Variants in UNK observed in about 807,000 individuals in gnomAD.
UNK encodes unk zinc finger.
A neutral mutation model predicts 97.6 loss-of-function variants in UNK; 32 were observed. The ratio of observed to expected loss-of-function variants is 0.33; its 90% CI spans 0.25 to 0.44. UNK has a LOEUF of 0.44. Ranked by LOEUF, UNK falls within the 20% of genes least tolerant of loss-of-function variation. The pLI, the probability that UNK is intolerant of heterozygous loss-of-function variation, is 1.00. For missense variants in UNK, 771 were observed against 1,098.4 expected (o/e 0.70, Z 4.21); for synonymous variants, 441 against 461.2 (o/e 0.96, Z 0.56).
At chr17:75,796,061 C>A (rs893295897) in intron 1 of UNK, among the ~76,000 whole-genome samples, 1 of 152,120 alleles carries the variant, frequency 6.6e-6, no homozygotes, top group Non-Finnish European at 1.5e-5. Context: ...GGAGTTTCAT[C>A]GCATCTAGGA....
chr17:75,809,732 C>T lies in UNK; in HGVS notation c.105-28C>T, dbSNP rs1318742565. The T allele has an allele frequency of 2.5e-6, 4 of 1,574,556 alleles. No individual in the cohort carries two copies. In the South Asian group the frequency reaches 3.5e-5, roughly 14 times the overall value. On this transcript the variant is annotated intron_variant, in intron 1 of 15. Transcript: ENST00000589666. The stretch of plus-strand genomic sequence containing the variant: ...AAGAGACTTCATTCTCTGCTCCCGG[C>T]CTGCCCCACGCGGGGCTCTCTCTGC...
chr17:75,816,690 C>T lies in UNK; in HGVS notation c.962-80C>T, dbSNP rs1247757564. On this transcript the variant is annotated intron_variant, in intron 7 of 15. Coordinates refer to ENST00000589666, the MANE Select transcript of UNK (RefSeq NM_001080419.3). This position sits in a 1 kb window ranked among gnomAD's most constrained non-coding sequence, Gnocchi z 4.0. ...TTATGTGCAGGGGGATTTGTGGTCT[C>T]CTTTGGAAGGGACCCAGGAGCATTT... 5 of 1,495,098 alleles carry T rather than the reference C, an allele frequency of 3.3e-6. No individual in the cohort carries two copies. Among genetic ancestry groups the T allele is most frequent in the Non-Finnish European group, 3.6e-6 (4 of 1,123,720 alleles). The allele number at this position is 1,495,098 out of a possible 1,614,324, so 92.6% of individuals were successfully genotyped here. A position where few individuals can be genotyped will look rare whatever the true frequency, so the allele number is the denominator to read the frequency against.
At chr17:75,813,673 G>T (rs1046430825) in intron 5 of UNK, 88 bp from the exon 6 acceptor site, 2 of 1,129,478 alleles carry the variant, frequency 1.8e-6, no homozygotes, top group Non-Finnish European at 2.5e-6. Flanking sequence ...CTGTGCTCAT[G>T]CCTATGAGGC....
In UNK at chr17:75,824,167, C is replaced by T; in HGVS notation, c.2278-95C>T. 7.2e-7 allele frequency: 1 copy of T among 1,389,934 alleles called. No individual in the cohort carries two copies. The highest frequency in any genetic ancestry group is 9.4e-7 in the Non-Finnish European group (1 of 1,060,526). 86.1% of individuals were successfully genotyped at this position (1,389,934 alleles called of 1,614,324 possible). On this transcript the variant is annotated intron_variant, in intron 15 of 15. Transcript: ENST00000589666. This position sits in a 1 kb window ranked among gnomAD's most constrained non-coding sequence, Gnocchi z 4.9. The stretch of plus-strand genomic sequence containing the variant: ...TGTTGAGCTCGGTACCTCAGTTTTC[C>T]CATCCCAAGGGGCTGCAGTGAGGAT...
In UNK at chr17:75,823,465, C is replaced by A; in HGVS notation, c.2220C>A (p.Leu740=). 1 of 1,581,306 alleles carries A rather than the reference C, an allele frequency of 6.3e-7. No individual in the cohort carries two copies. The highest frequency in any genetic ancestry group is 8.6e-7 in the Non-Finnish European group (1 of 1,160,498). ...TCTCCGACCTGGAGGCGCTCTCACT[C>A]TCCACCCTCTACTCCCTCCAGAAAC... ...PAFSDLEALS[L]STLYSLQKQL... The change falls in exon 15 of 16, where the codon CTC becomes CTA. Residue 740 remains leucine, a synonymous_variant. Coordinates refer to ENST00000589666, the MANE Select transcript of UNK (RefSeq NM_001080419.3).
intron 1 of UNK, among the ~76,000 whole-genome samples, chr17:75,794,666 A>G (rs529032515): frequency 1.3e-5 from 2 of 152,054 alleles, no homozygotes; most frequent in East Asian, 3.9e-4. Flanking sequence ...CTTAGTTAAT[A>G]GTCAGCATGG....
chr17:75,820,249 T>C, intron 13 of UNK, 141 bp downstream of exon 13: 2 of 865,588 alleles, frequency 2.3e-6, no homozygotes, highest in Non-Finnish European at 3.5e-6. Context: ...CAGAGTCAGA[T>C]TCCTGTCTGT....
chr17:75,806,165 GA>G (rs917964949), intron 1 of UNK, among the ~76,000 whole-genome samples: 6 of 151,614 alleles, frequency 4.0e-5, no homozygotes, highest in African/African-American at 1.5e-4. Flanking sequence ...TTTACAAGAA[GA>G]GTTTGCTGGC....
chr17:75,795,704 G>A (rs2061799761), intron 1 of UNK, among the ~76,000 whole-genome samples: 1 of 152,114 alleles, frequency 6.6e-6, no homozygotes, highest in African/African-American at 2.4e-5. Context: ...GGGGTTTGTA[G>A]TACTCTCGAA....
chr17:75,784,951 T>A lies in UNK; in HGVS notation c.71T>A (p.Leu24Gln). The A allele has an allele frequency of 6.5e-7, 1 of 1,535,676 alleles. No individual in the cohort carries two copies. The highest frequency in any genetic ancestry group is 1.4e-5 in the African/African-American group (1 of 71,308). The change falls in exon 1 of 16, where the codon CTG becomes CAG. Residue 24 changes from leucine (L) to glutamine (Q), a missense_variant. Leu to Gln is a moderately radical substitution (Grantham distance 113). This residue lies in a region of UNK where 246 missense variants were observed against 440.7 expected (regional missense o/e 0.56). Transcript: ENST00000589666. ...SAPPAATAQV[L>Q]QAQPEKPQHY... ...CCCCCGGCCGCTACCGCTCAGGTGCTGCAGGCACAGCCCGAGAAACCGCAG... is the reference window on the plus strand; with the variant it reads ...CCCCCGGCCGCTACCGCTCAGGTGCAGCAGGCACAGCCCGAGAAACCGCAG...
At chr17:75,798,163 C>T (rs1227309324) in intron 1 of UNK, among the ~76,000 whole-genome samples, 2 of 151,776 alleles carry the variant, frequency 1.3e-5, no homozygotes, top group African/African-American at 2.4e-5. Context: ...CTCCGCCTCC[C>T]GGGTTCAAGC....
At position 75,818,138 on chromosome 17, in the gene UNK, T is replaced by C. The variant is rs951983186; in HGVS notation, c.1341T>C (p.Ser447=). ...AACCCCACTCATTAGAGCCCAGGAG[T>C]CAAGAGCAGCCTCTGCTTCAGCCCA... ...KLKPHSLEPR[S]QEQPLLQPKQ... The change falls in exon 10 of 16, where the codon AGT becomes AGC. Residue 447 remains serine (S), a synonymous_variant. Coordinates refer to ENST00000589666, the MANE Select transcript of UNK (RefSeq NM_001080419.3). The surrounding 1 kb of genome is among the most constrained non-coding windows in gnomAD (Gnocchi z 5.1). 1.2e-6 allele frequency: 2 copies of C among 1,612,872 alleles called. No homozygotes were observed. The highest frequency in any genetic ancestry group is 1.7e-6 in the Non-Finnish European group (2 of 1,179,682).
intron 4 of UNK, 31 bp downstream of exon 4, chr17:75,812,616 C>G: frequency 6.2e-7 from 1 of 1,602,740 alleles, no homozygotes; most frequent in Non-Finnish European, 8.5e-7. Flanking sequence ...GCCGCGCCCT[C>G]CCTATAATCC....
rs1599388106 is a variant in UNK at position 75,818,575 on chromosome 17, C to T, written c.1372-67C>T. The T allele has an allele frequency of 2.0e-6, 3 of 1,510,396 alleles. No individual in the cohort carries two copies. The highest frequency in any genetic ancestry group is 2.6e-5 in the South Asian group (2 of 77,234). 93.6% of individuals were successfully genotyped at this position (1,510,396 alleles called of 1,614,324 possible). Reference sequence around the variant, plus strand: ...ATTTCCCTTGCCCCCAGCCCCTCTCCAGCCTCTCGTCCTGGCCTCCGTATG... The same window carrying T: ...ATTTCCCTTGCCCCCAGCCCCTCTCTAGCCTCTCGTCCTGGCCTCCGTATG... On this transcript the variant is annotated intron_variant, in intron 10 of 15. Transcript: ENST00000589666. The surrounding 1 kb of genome is among the most constrained non-coding windows in gnomAD (Gnocchi z 5.1).
chr17:75,805,810 ATGTGTGTGTGTGTGTGTGTG>A (rs61000364), intron 1 of UNK, among the ~76,000 whole-genome samples: 15 of 145,294 alleles, frequency 1.0e-4, no homozygotes, highest in African/African-American at 2.6e-4. Context: ...AAAAAGAAAA[ATGTGTGTGTGTGTGTGTGTG>A]TGTGTGTGTG....
chr17:75,812,576 C>T lies in UNK; in HGVS notation c.613C>T (p.Arg205Trp), dbSNP rs889876679. The T allele has an allele frequency of 2.5e-6, 4 of 1,612,822 alleles. No homozygotes were observed. Among genetic ancestry groups the T allele is most frequent in the Non-Finnish European group, 2.5e-6 (3 of 1,179,772 alleles). ...MIEKILSEEP[R>W]WQETAYVLGN... ...AGAAAAGATCCTCAGCGAGGAGCCT[C>T]GGTGGCAAGGTACAGGCATCCACAC... Residue 205 changes from arginine (R) to tryptophan (W), a missense_variant, in exon 4 of 16, where the codon CGG becomes TGG. Arg to Trp is a moderately radical substitution (Grantham distance 101). Coordinates refer to ENST00000589666, the MANE Select transcript of UNK (RefSeq NM_001080419.3).
chr17:75,788,182 C>CTT (rs769976770), intron 1 of UNK, among the ~76,000 whole-genome samples: 2 of 141,850 alleles, frequency 1.4e-5, no homozygotes. Flanking sequence ...TCAATTTTTT[C>CTT]TTTTTTTTTT....
At chr17:75,795,606 G>T (rs1335134642) in intron 1 of UNK, among the ~76,000 whole-genome samples, 2 of 152,150 alleles carry the variant, frequency 1.3e-5, no homozygotes, top group African/African-American at 2.4e-5. Context: ...TCTCAAAAGT[G>T]CTGAGATTAC....
intron 7 of UNK, 68 bp downstream of exon 7, chr17:75,815,321 TTA>T (rs2062007473): frequency 6.8e-7 from 1 of 1,479,410 alleles, no homozygotes; most frequent in Non-Finnish European, 9.3e-7. Flanking sequence ...TAGCTCAGGC[TTA>T]GGCCGGGGAT....
Sources: gnomAD v4.1 joint callset for allele counts (sites outside exome capture counted in the v4.1 genomes callset) on GRCh38, gnomAD v4.1.1 for gene constraint, gnomAD v4.1.1 regional missense constraint, Gnocchi (gnomAD v3.1) non-coding constraint, MANE v1.5 for transcripts, NCBI Gene and HGNC (gene_info 2026-07-23, HGNC 2026-07-21) for gene names.